Variants in GPM6A observed in about 807,000 individuals in gnomAD.
GPM6A encodes the protein neuronal membrane glycoprotein M6-a.
In GPM6A, 7 loss-of-function variants were observed where a neutral mutation model predicts 32.1. That is an observed-to-expected ratio of 0.22 (90% CI 0.12 to 0.41). GPM6A has a LOEUF of 0.41. Ranked by LOEUF, GPM6A falls within the 10% of genes least tolerant of loss-of-function variation. The probability of loss-of-function intolerance (pLI) is 1.00; values close to 1 mark genes in which losing one functional copy is unlikely to be tolerated. For synonymous variants in GPM6A, 130 were observed against 123.4 expected (o/e 1.05, Z -0.35); for missense variants, 235 against 347.2 (o/e 0.68, Z 2.57).
At chr4:175,812,861 T>C (rs1438910533), upstream of GPM6A, 2 of 985,188 alleles carry the variant, frequency 2.0e-6, no homozygotes, top group East Asian at 2.3e-4. Flanking sequence ...ACTAAGTATT[T>C]AGTTAATTTG....
intron 1 of GPM6A, among the ~76,000 whole-genome samples, chr4:175,782,189 C>T (rs915406973): frequency 2.0e-5 from 3 of 152,046 alleles, no homozygotes; most frequent in Non-Finnish European, 4.4e-5. Flanking sequence ...TTATCTAACC[C>T]CAATTTTATT....
intron 1 of GPM6A, among the ~76,000 whole-genome samples, chr4:175,732,208 G>T (rs552305367): frequency 6.6e-6 from 1 of 151,726 alleles, no homozygotes; most frequent in East Asian, 1.9e-4. Context: ...CTCGTGATCC[G>T]CCCGCCTCGG....
At chr4:175,771,062 T>C (rs1368987079) in intron 1 of GPM6A, among the ~76,000 whole-genome samples, 1 of 152,208 alleles carries the variant, frequency 6.6e-6, no homozygotes, top group Non-Finnish European at 1.5e-5. Context: ...TGTATGTCTG[T>C]AGCGGGAAGA....
At chr4:175,904,691 A>G (rs375047192) in intron 1 of GPM6A, among the ~76,000 whole-genome samples, 7 of 152,144 alleles carry the variant, frequency 4.6e-5, no homozygotes, top group African/African-American at 1.7e-4. Flanking sequence ...TCTCCTGACC[A>G]CAAAGCTCCT....
chr4:175,701,795 C>A, intron 1 of GPM6A, 28 bp from the exon 2 acceptor site: 1 of 1,509,622 alleles, frequency 6.6e-7, no homozygotes, highest in South Asian at 1.2e-5. Flanking sequence ...GGGAGAAATT[C>A]ATATTTTTGT....
intron 1 of GPM6A, among the ~76,000 whole-genome samples, chr4:175,732,392 G>A (rs547076733): frequency 4.6e-5 from 7 of 152,112 alleles, no homozygotes; most frequent in African/African-American, 1.4e-4. Flanking sequence ...TTGCCTTCTA[G>A]TATGCTAGTT....
At chr4:175,997,324 T>C (rs1388278494) in intron 1 of GPM6A, among the ~76,000 whole-genome samples, 1 of 152,236 alleles carries the variant, frequency 6.6e-6, no homozygotes, top group African/African-American at 2.4e-5. Flanking sequence ...AGGTTGGGAC[T>C]CTTATCAGAC....
At chr4:175,662,120 A>C (rs1266554153) in intron 3 of GPM6A, among the ~76,000 whole-genome samples, 1 of 152,132 alleles carries the variant, frequency 6.6e-6, no homozygotes, top group Admixed American at 6.6e-5. Context: ...TATTATTATG[A>C]TTGTCAATGG....
At chr4:175,911,128 G>C (rs1738301665) in intron 1 of GPM6A, among the ~76,000 whole-genome samples, 1 of 152,070 alleles carries the variant, frequency 6.6e-6, no homozygotes, top group African/African-American at 2.4e-5. Context: ...AGATTTCTCA[G>C]GTGTCTTAGA....
intron 1 of GPM6A, among the ~76,000 whole-genome samples, chr4:175,951,218 C>A (rs149186532): frequency 5.9e-5 from 9 of 152,306 alleles, no homozygotes; most frequent in Non-Finnish European, 2.9e-5. Context: ...ATCTGCCCAA[C>A]TGACCCTGTA....
chr4:175,714,994 G>GAAA (rs34494840), intron 1 of GPM6A, among the ~76,000 whole-genome samples: 270 of 105,364 alleles, frequency 2.6e-3, no homozygotes, highest in African/African-American at 7.7e-3. Flanking sequence ...ATCCCTGGAA[G>GAAA]AAAAAAAAAA....
intron 1 of GPM6A, chr4:175,947,802 G>A (rs182456966): frequency 6.6e-6 from 1 of 152,218 alleles, no homozygotes; most frequent in East Asian, 1.9e-4. Context: ...AGTACACTAT[G>A]TTGTCTCCTC....
chr4:175,965,221 T>C, intron 1 of GPM6A, among the ~76,000 whole-genome samples: 1 of 152,066 alleles, frequency 6.6e-6, no homozygotes, highest in South Asian at 2.1e-4. Context: ...AAGTATGCTC[T>C]CAGACCACAA....
chr4:175,996,254 AAGG>A (rs1273851820), intron 1 of GPM6A, among the ~76,000 whole-genome samples: 1 of 152,214 alleles, frequency 6.6e-6, no homozygotes, highest in Non-Finnish European at 1.5e-5. Flanking sequence ...TTAATAATAA[AAGG>A]AGATTTACAT....
At chr4:175,842,000 T>G (rs1343821498) in intron 1 of GPM6A, among the ~76,000 whole-genome samples, 1 of 152,100 alleles carries the variant, frequency 6.6e-6, no homozygotes, top group Non-Finnish European at 1.5e-5. Flanking sequence ...CCAAAATAAT[T>G]TTTTCATTTA....
chr4:175,754,093 A>G (rs1309743100), intron 1 of GPM6A, among the ~76,000 whole-genome samples: 1 of 152,134 alleles, frequency 6.6e-6, no homozygotes, highest in African/African-American at 2.4e-5. Flanking sequence ...CTATTTTTCA[A>G]CATATCTTAA....
intron 1 of GPM6A, among the ~76,000 whole-genome samples, chr4:175,971,582 T>C (rs1206779837): frequency 6.6e-6 from 1 of 152,034 alleles, no homozygotes; most frequent in African/African-American, 2.4e-5. Flanking sequence ...TATTACCCTA[T>C]TTGGAAGCGG....
chr4:175,846,512 C>T (rs1013975370), intron 1 of GPM6A, among the ~76,000 whole-genome samples: 12 of 152,190 alleles, frequency 7.9e-5, no homozygotes, highest in East Asian at 3.9e-4. Flanking sequence ...AAGCCTTTAA[C>T]GTGAGAGGCA....
In GPM6A at chr4:175,941,818, T is replaced by C. The variant is rs562967693; in HGVS notation, c.-23+60491A>G. Among the ~76,000 whole-genome samples, 74 of 152,354 alleles carry C rather than the reference T, an allele frequency of 4.9e-4. 1 individual carries two copies. Among genetic ancestry groups the C allele is most frequent in the African/African-American group, 1.7e-3 (70 of 41,584 alleles). ...ATTTGGGTTGGTTCCAAGTCTTTGC[T>C]ATTGTGAACAGTGCGGCAATAAACA... On this transcript the variant is annotated intron_variant, in intron 1 of 7. Transcript: ENST00000280187.
Sources: gnomAD v4.1 joint callset for allele counts (sites outside exome capture counted in the v4.1 genomes callset) on GRCh38, gnomAD v4.1.1 for gene constraint, MANE v1.5 for transcripts, NCBI Gene and HGNC (gene_info 2026-07-23, HGNC 2026-07-21) for gene names.